The following DCHS2 variants were observed in gnomAD, a reference collection of about 807,000 sequenced individuals.
DCHS2 encodes protocadherin-23.
DCHS2 carries 142 observed loss-of-function variants against 182.4 expected under a neutral mutation model. That is an observed-to-expected ratio of 0.78 (90% CI 0.68 to 0.89). The LOEUF (loss-of-function observed/expected upper bound fraction) is 0.89, where lower values mean the gene tolerates loss of function less well. Among genes scored for constraint, DCHS2 ranks in the 40% least tolerant of loss-of-function variants. The pLI, the probability that DCHS2 is intolerant of heterozygous loss-of-function variation, is 0.00. For synonymous variants in DCHS2, 1,740 were observed against 1,663.3 expected (o/e 1.05, Z -1.12); for missense variants, 4,319 against 4,198.6 (o/e 1.03, Z -0.79).
chr4:154,464,018 C>T (rs781415309), intron 1 of DCHS2, among the ~76,000 whole-genome samples: 4 of 152,076 alleles, frequency 2.6e-5, no homozygotes, highest in South Asian at 4.1e-4. Flanking sequence ...CAAGTCTATC[C>T]GTCCAAAGTA....
At chr4:154,403,571 C>T (rs1314991384) in intron 1 of DCHS2, among the ~76,000 whole-genome samples, 1 of 151,938 alleles carries the variant, frequency 6.6e-6, no homozygotes, top group Non-Finnish European at 1.5e-5. Flanking sequence ...ATTTTTATGT[C>T]TATGTTCATT....
At chr4:154,331,668 A>G (rs1053439808) in intron 5 of DCHS2, 2 of 1,614,018 alleles carry the variant, frequency 1.2e-6, no homozygotes, top group African/African-American at 2.7e-5. Flanking sequence ...CACTAAAGGC[A>G]GCAGCACCAT....
At chr4:154,268,148 C>A (rs1733381904) in intron 14 of DCHS2, among the ~76,000 whole-genome samples, 1 of 152,040 alleles carries the variant, frequency 6.6e-6, no homozygotes, top group Non-Finnish European at 1.5e-5. Flanking sequence ...GTAGAATATT[C>A]ATTCTTACTG....
At chr4:154,467,123 A>C (rs1198723461) in intron 1 of DCHS2, among the ~76,000 whole-genome samples, 1 of 152,200 alleles carries the variant, frequency 6.6e-6, no homozygotes, top group East Asian at 1.9e-4. Context: ...CATTCCAACT[A>C]ATCTGGTATA....
chr4:154,490,548 C>T lies in DCHS2; in HGVS notation c.808G>A (p.Asp270Asn). 1 of 1,540,614 alleles carries T rather than the reference C, an allele frequency of 6.5e-7. No individual in the cohort carries two copies. Among genetic ancestry groups the T allele is most frequent in the Non-Finnish European group, 8.7e-7 (1 of 1,146,246 alleles). The change falls in exon 1 of 20, where the codon GAC becomes AAC. Residue 270 changes from aspartate to asparagine, a missense_variant. Transcript: ENST00000357232. ...AAHRLQIEAW[D>N]GGRPRRTGLL... The stretch of plus-strand genomic sequence containing the variant: ...CCGGTGCGCCGGGGTCGGCCGCCGT[C>T]CCATGCCTCGATCTGCAGCCGGTGC...
At chr4:154,458,093 C>T (rs1475030338) in intron 1 of DCHS2, among the ~76,000 whole-genome samples, 1 of 151,706 alleles carries the variant, frequency 6.6e-6, no homozygotes, top group Non-Finnish European at 1.5e-5. Flanking sequence ...TTTCATTCAC[C>T]TTCTTGCCAA....
In DCHS2 at chr4:154,315,773, C is replaced by T; in HGVS notation, c.5235G>A (p.Arg1745=). The T allele has an allele frequency of 6.2e-7, 1 of 1,613,990 alleles. No individual in the cohort carries two copies. The highest frequency in any genetic ancestry group is 8.5e-7 in the Non-Finnish European group (1 of 1,179,968). Residue 1745 remains arginine (R), a synonymous_variant, in exon 10 of 20, where the codon AGG becomes AGA. Coordinates refer to ENST00000357232, the MANE Select transcript of DCHS2 (RefSeq NM_001358235.2). The part of the protein sequence containing the change: ...ENQNPGEFVT[R]VEALDRDSGV... Reference sequence around the variant, plus strand: ...CTGAATCTCTGTCCAGAGCTTCAACCCTGGTAACAAACTCCCCTGGATTTT... The same window carrying T: ...CTGAATCTCTGTCCAGAGCTTCAACTCTGGTAACAAACTCCCCTGGATTTT...
chr4:154,423,298 T>G (rs1273974457), intron 1 of DCHS2, among the ~76,000 whole-genome samples: 4 of 152,246 alleles, frequency 2.6e-5, no homozygotes, highest in South Asian at 2.1e-4. Context: ...AAAGGAGTCA[T>G]GTGATATGTG....
intron 1 of DCHS2, among the ~76,000 whole-genome samples, chr4:154,481,410 C>T (rs952508983): frequency 3.3e-5 from 5 of 151,922 alleles, no homozygotes; most frequent in African/African-American, 1.2e-4. Flanking sequence ...TACAGGTGCA[C>T]ATCACCACAC....
chr4:154,456,865 A>C (rs540368768), intron 1 of DCHS2, among the ~76,000 whole-genome samples: 1 of 152,308 alleles, frequency 6.6e-6, no homozygotes, highest in African/African-American at 2.4e-5. Context: ...TATTTGGGCT[A>C]TAAGTAGGTA....
intron 2 of DCHS2, among the ~76,000 whole-genome samples, chr4:154,370,540 C>G (rs577202179): frequency 5.3e-5 from 8 of 151,972 alleles, no homozygotes; most frequent in African/African-American, 1.7e-4. Context: ...ATTAATGATG[C>G]AGGAAAAAAG....
At chr4:154,459,746 C>G (rs1367660022) in intron 1 of DCHS2, among the ~76,000 whole-genome samples, 1 of 28,996 alleles carries the variant, frequency 3.4e-5, no homozygotes, top group Non-Finnish European at 1.5e-4. Flanking sequence ...CTCTCTCTCT[C>G]TCTCTCTCTC....
chr4:154,282,952 C>T (rs757563897), intron 13 of DCHS2, among the ~76,000 whole-genome samples: 1 of 151,990 alleles, frequency 6.6e-6, no homozygotes, highest in Non-Finnish European at 1.5e-5. Context: ...TGTCTGATTC[C>T]ACTTATATGA....
intron 3 of DCHS2, among the ~76,000 whole-genome samples, chr4:154,347,832 A>G (rs1487927466): frequency 6.6e-6 from 1 of 151,892 alleles, no homozygotes; most frequent in Non-Finnish European, 1.5e-5. Flanking sequence ...GCCACCAAGG[A>G]GCATTTTGGG....
intron 12 of DCHS2, among the ~76,000 whole-genome samples, chr4:154,304,102 A>T (rs1735332375): frequency 6.6e-6 from 1 of 151,556 alleles, no homozygotes; most frequent in Non-Finnish European, 1.5e-5. Flanking sequence ...TAGATCTAGG[A>T]TGCAGATGGA....
chr4:154,325,676 G>T (rs1245985684), intron 7 of DCHS2, among the ~76,000 whole-genome samples: 1 of 152,164 alleles, frequency 6.6e-6, no homozygotes, highest in Non-Finnish European at 1.5e-5. Context: ...TCCAAATGTG[G>T]ATCTGCTGCA....
At chr4:154,430,387 A>T (rs1182403448) in intron 1 of DCHS2, among the ~76,000 whole-genome samples, 11 of 152,182 alleles carry the variant, frequency 7.2e-5, no homozygotes. Flanking sequence ...GGGCAGCATC[A>T]AAAATCCAAA....
intron 7 of DCHS2, 135 bp from the exon 8 acceptor site, chr4:154,322,623 C>A: frequency 4.3e-6 from 5 of 1,162,576 alleles, no homozygotes; most frequent in Non-Finnish European, 5.7e-6. Flanking sequence ...ACAAAAATGA[C>A]ACTAAAAATA....
At chr4:154,458,358 C>T (rs774216269) in intron 1 of DCHS2, among the ~76,000 whole-genome samples, 9 of 152,132 alleles carry the variant, frequency 5.9e-5, no homozygotes, top group Non-Finnish European at 1.0e-4. Flanking sequence ...TATGTAGAAG[C>T]TCTATGCTTC....
Sources: gnomAD v4.1 joint callset for allele counts (sites outside exome capture counted in the v4.1 genomes callset) on GRCh38, gnomAD v4.1.1 for gene constraint, MANE v1.5 for transcripts, NCBI Gene and HGNC (gene_info 2026-07-23, HGNC 2026-07-21) for gene names.